The following CDK13 variants were observed in gnomAD, a reference collection of about 807,000 sequenced individuals.
CDK13 encodes cyclin dependent kinase 13.
Under a neutral mutation model 137.6 loss-of-function variants are expected in CDK13, and 40 were observed. The ratio of observed to expected loss-of-function variants is 0.29; its 90% CI spans 0.23 to 0.38. CDK13 has a LOEUF of 0.38. CDK13 is among the 10% of genes least tolerant of loss of function. The pLI, the probability that CDK13 is intolerant of heterozygous loss-of-function variation, is 1.00. For synonymous variants in CDK13, 869 were observed against 760.1 expected (o/e 1.14, Z -2.36); for missense variants, 1,704 against 1,951.8 (o/e 0.87, Z 2.39).
At chr7:40,060,024 T>C (rs1249899352) in intron 7 of CDK13, among the ~76,000 whole-genome samples, 1 of 152,198 alleles carries the variant, frequency 6.6e-6, no homozygotes, top group Non-Finnish European at 1.5e-5. Flanking sequence ...TTTCATGTGG[T>C]TTTGTGTTTA....
intron 2 of CDK13, among the ~76,000 whole-genome samples, chr7:39,992,711 C>T (rs977142033): frequency 6.6e-6 from 1 of 151,792 alleles, no homozygotes; most frequent in Non-Finnish European, 1.5e-5. Context: ...TTTGAAGAGT[C>T]TAGGCCAGTA....
At chr7:40,061,988 T>G (rs975817555) in intron 7 of CDK13, 7 of 152,228 alleles carry the variant, frequency 4.6e-5, no homozygotes, top group Non-Finnish European at 8.8e-5. Context: ...AGACCTCAAG[T>G]AGATACTTGA....
chr7:39,960,599 C>T (rs1212240817), intron 1 of CDK13, among the ~76,000 whole-genome samples: 3 of 148,248 alleles, frequency 2.0e-5, no homozygotes, highest in East Asian at 4.1e-4. Context: ...AAGATGGAGT[C>T]TCACTGTTGT....
intron 1 of CDK13, among the ~76,000 whole-genome samples, chr7:39,972,201 TTTG>T (rs561962985): frequency 3.3e-5 from 5 of 152,320 alleles, no homozygotes; most frequent in Middle Eastern, 3.4e-3. Context: ...CACGTGTCTT[TTTG>T]TTGTTGTTGT....
chr7:40,029,528 T>C (rs945699112), intron 5 of CDK13, among the ~76,000 whole-genome samples: 1 of 151,636 alleles, frequency 6.6e-6, no homozygotes, highest in African/African-American at 2.4e-5. Context: ...GAGATCATCC[T>C]GGCCAACATG....
At chr7:40,050,395 T>C (rs1276428934) in intron 7 of CDK13, among the ~76,000 whole-genome samples, 1 of 151,758 alleles carries the variant, frequency 6.6e-6, no homozygotes, top group Non-Finnish European at 1.5e-5. Flanking sequence ...AAGAAGCATA[T>C]GTATTTTATT....
chr7:40,084,094 C>T (rs942896021), intron 11 of CDK13, among the ~76,000 whole-genome samples: 8 of 152,092 alleles, frequency 5.3e-5, no homozygotes, highest in African/African-American at 1.9e-4. Flanking sequence ...CCTATAATTC[C>T]AGCACTTTGG....
intron 9 of CDK13, among the ~76,000 whole-genome samples, chr7:40,068,609 C>T (rs1266706601): frequency 6.7e-6 from 1 of 149,332 alleles, no homozygotes; most frequent in Non-Finnish European, 1.5e-5. Context: ...CAGGAACATC[C>T]TGCCTCAGGT....
At chr7:40,076,885 A>G (rs1465840613) in intron 9 of CDK13, among the ~76,000 whole-genome samples, 4 of 152,204 alleles carry the variant, frequency 2.6e-5, no homozygotes, top group African/African-American at 9.6e-5. Flanking sequence ...CTTTTTACAT[A>G]TGCAGACCAG....
intron 12 of CDK13, among the ~76,000 whole-genome samples, chr7:40,089,730 G>GTGTA (rs1254389576): frequency 7.8e-6 from 1 of 128,264 alleles, no homozygotes; most frequent in Non-Finnish European, 1.7e-5. Flanking sequence ...GAGAGTGTGT[G>GTGTA]TGTGTGTGTG....
At chr7:40,030,775 A>G (rs1243144806) in intron 5 of CDK13, among the ~76,000 whole-genome samples, 1 of 152,018 alleles carries the variant, frequency 6.6e-6, no homozygotes, top group Non-Finnish European at 1.5e-5. Context: ...TACAATACGT[A>G]GACTATTCAG....
chr7:40,020,084 T>C (rs528581518), intron 5 of CDK13, among the ~76,000 whole-genome samples: 1 of 152,196 alleles, frequency 6.6e-6, no homozygotes, highest in Non-Finnish European at 1.5e-5. Flanking sequence ...TTTATTTTTT[T>C]TGAGACCGGG....
At chr7:39,960,988 A>AT (rs1297947574) in intron 1 of CDK13, among the ~76,000 whole-genome samples, 1 of 152,104 alleles carries the variant, frequency 6.6e-6, no homozygotes, top group Admixed American at 6.5e-5. Flanking sequence ...TCACATACCT[A>AT]TTTTGGTGGT....
intron 5 of CDK13, among the ~76,000 whole-genome samples, chr7:40,023,380 AT>A (rs1785170531): frequency 6.6e-6 from 1 of 151,694 alleles, no homozygotes; most frequent in Non-Finnish European, 1.5e-5. Flanking sequence ...CTGATTATAC[AT>A]TTTCATAAGG....
At chr7:39,981,870 C>T (rs1784231569) in intron 1 of CDK13, among the ~76,000 whole-genome samples, 2 of 150,072 alleles carry the variant, frequency 1.3e-5, no homozygotes, top group South Asian at 4.2e-4. Context: ...CGGCTCACTG[C>T]AAGCTCTGCC....
At chr7:39,975,782 A>G (rs528233476) in intron 1 of CDK13, among the ~76,000 whole-genome samples, 1 of 152,332 alleles carries the variant, frequency 6.6e-6, no homozygotes, top group African/African-American at 2.4e-5. Flanking sequence ...AAAGAAGGGT[A>G]TAATAAAGAT....
chr7:40,033,143 A>G (rs980892471), intron 5 of CDK13, among the ~76,000 whole-genome samples: 10 of 152,070 alleles, frequency 6.6e-5, no homozygotes, highest in Non-Finnish European at 1.5e-4. Context: ...TTTAGTAGAG[A>G]TGGGGTCTCA....
intron 7 of CDK13, chr7:40,049,241 AAGAGAGACAGAG>A (rs1408484289): frequency 1.3e-5 from 2 of 150,622 alleles, no homozygotes; most frequent in Non-Finnish European, 3.0e-5. Flanking sequence ...GAAGGAAGGA[AAGAGAGACAGAG>A]AGAGAGAAAG....
At chr7:39,972,050 C>T (rs1784011305) in intron 1 of CDK13, among the ~76,000 whole-genome samples, 1 of 152,240 alleles carries the variant, frequency 6.6e-6, no homozygotes, top group Non-Finnish European at 1.5e-5. Flanking sequence ...GAGCTCCCTT[C>T]TACTCTTCTC....
Sources: gnomAD v4.1 joint callset for allele counts (sites outside exome capture counted in the v4.1 genomes callset) on GRCh38, gnomAD v4.1.1 for gene constraint, MANE v1.5 for transcripts, NCBI Gene and HGNC (gene_info 2026-07-23, HGNC 2026-07-21) for gene names.